RBFOX1: variants seen among roughly 807,000 people sequenced by gnomAD.
RBFOX1 encodes the protein RNA binding fox-1 homolog 1, also known as RNA binding protein fox-1 homolog 1.
A neutral mutation model predicts 57.7 loss-of-function variants in RBFOX1; 8 were observed. That is an observed-to-expected ratio of 0.14 (90% confidence interval 0.08 to 0.25). RBFOX1 has a LOEUF of 0.25. Among genes scored for constraint, RBFOX1 ranks in the 10% least tolerant of loss-of-function variants. The pLI is 1.00. For synonymous variants in RBFOX1, 326 were observed against 222.4 expected (o/e 1.47, Z -4.15); for missense variants, 611 against 548.5 (o/e 1.11, Z -1.14).
chr16:6,042,101 A>G (rs1285603234), intron 1 of RBFOX1, among the ~76,000 whole-genome samples: 1 of 133,532 alleles, frequency 7.5e-6, no homozygotes, highest in African/African-American at 2.6e-5. Flanking sequence ...ACTCTCTCCT[A>G]CTTTTTTTTT....
chr16:7,691,618 C>G (rs571134872), intron 14 of RBFOX1, among the ~76,000 whole-genome samples: 1 of 152,202 alleles, frequency 6.6e-6, no homozygotes, highest in South Asian at 2.1e-4. Context: ...AGGGCTGTTT[C>G]TATTCATACT....
chr16:6,991,422 C>G (rs1596317510), intron 3 of RBFOX1, among the ~76,000 whole-genome samples: 2 of 152,214 alleles, frequency 1.3e-5, no homozygotes, highest in Non-Finnish European at 2.9e-5. Context: ...TCAGGAAGCT[C>G]ATATCCCATA....
At chr16:6,385,449 T>G (rs1182649069) in intron 2 of RBFOX1, among the ~76,000 whole-genome samples, 1 of 152,226 alleles carries the variant, frequency 6.6e-6, no homozygotes, top group Admixed American at 6.5e-5. Flanking sequence ...AATCTCCTCC[T>G]CCCAGGATCA....
intron 3 of RBFOX1, among the ~76,000 whole-genome samples, chr16:6,738,098 G>C (rs2070929553): frequency 6.8e-6 from 1 of 148,076 alleles, no homozygotes; most frequent in African/African-American, 2.5e-5. Flanking sequence ...AAAAAAGTCA[G>C]GCATTTTCCT....
rs374359901 is a variant in RBFOX1, at chr16:5,337,975, T to C, written c.219+97870T>C. Among the ~76,000 whole-genome samples, 233 of 152,304 alleles carry C rather than the reference T, an allele frequency of 1.5e-3. 1 individual carries two copies. Among genetic ancestry groups the C allele is most frequent in the African/African-American group, 5.3e-3 (221 of 41,542 alleles). On this transcript the variant is annotated intron_variant, in intron 1 of 2. Coordinates refer to the RBFOX1 transcript ENST00000585867. Reference sequence around the variant, plus strand: ...TGGAGGATTGCTTGAGCCCAGGAGATTGAGGCTGCAGTGAACTATGATTGC... The same window carrying C: ...TGGAGGATTGCTTGAGCCCAGGAGACTGAGGCTGCAGTGAACTATGATTGC...
chr16:5,738,222 T>G (rs1414986143), intron 3 of RBFOX1, among the ~76,000 whole-genome samples: 3 of 152,164 alleles, frequency 2.0e-5, no homozygotes, highest in Admixed American at 2.0e-4. Flanking sequence ...CTTTGTCACA[T>G]GCAGAGAATG....
chr16:7,653,871 C>A lies in RBFOX1; in HGVS notation c.814C>A (p.Leu272Met). ...TAAAAYRGAH[L>M]RGRGRTVYNT... ...CGCGGCCGCCTACCGAGGGGCGCAC[C>A]TGCGAGGCCGCGGTCGCACCGTGTA... Residue 272 changes from leucine to methionine, a missense_variant, in exon 12 of 16, where the codon CTG becomes ATG. Physicochemically the swap from Leu to Met is conservative, Grantham distance 15. This residue lies in a region of RBFOX1 where 267 missense variants were observed against 229.1 expected (regional missense o/e 1.17). Coordinates refer to ENST00000550418, the MANE Select transcript of RBFOX1 (RefSeq NM_018723.4). 1.9e-6 allele frequency: 3 copies of A among 1,604,240 alleles called. No individual in the cohort carries two copies. Among genetic ancestry groups the A allele is most frequent in the Non-Finnish European group, 1.7e-6 (2 of 1,179,236 alleles).
intron 1 of RBFOX1, chr16:5,365,721 C>A: frequency 2.4e-6 from 1 of 408,668 alleles, no homozygotes; most frequent in Non-Finnish European, 4.7e-6. Context: ...TTCCGTCCTG[C>A]ATGGCTGTTC....
intron 3 of RBFOX1, among the ~76,000 whole-genome samples, chr16:5,618,986 T>G (rs563570744): frequency 1.3e-5 from 2 of 152,238 alleles, no homozygotes; most frequent in Admixed American, 6.5e-5. Flanking sequence ...CATCCTTTGC[T>G]CCGGTGGTTC....
intron 3 of RBFOX1, among the ~76,000 whole-genome samples, chr16:6,974,704 T>C (rs1264361653): frequency 1.3e-5 from 2 of 152,088 alleles, no homozygotes; most frequent in African/African-American, 4.8e-5. Flanking sequence ...GTAACATTTA[T>C]TAAATGTCCC....
At chr16:5,738,974 C>A (rs2052679358) in intron 3 of RBFOX1, among the ~76,000 whole-genome samples, 1 of 140,422 alleles carries the variant, frequency 7.1e-6, no homozygotes, top group Non-Finnish European at 1.6e-5. Context: ...CAGGCTAACT[C>A]CCACTTACTC....
chr16:6,813,006 A>G (rs542449566), intron 3 of RBFOX1, among the ~76,000 whole-genome samples: 137 of 152,240 alleles, frequency 9.0e-4, no homozygotes, highest in African/African-American at 3.2e-3. Context: ...TTAGATTTTT[A>G]AATAAAACTT....
chr16:7,176,101 T>G (rs988117483), intron 4 of RBFOX1, among the ~76,000 whole-genome samples: 1 of 151,804 alleles, frequency 6.6e-6, no homozygotes, highest in Non-Finnish European at 1.5e-5. Flanking sequence ...GTTAGGAGCA[T>G]GTACTTTTAA....
At chr16:5,915,330 C>T (rs186797477) in intron 4 of RBFOX1, among the ~76,000 whole-genome samples, 15 of 152,302 alleles carry the variant, frequency 9.8e-5, no homozygotes, top group African/African-American at 2.9e-4. Flanking sequence ...CTGGCTATTG[C>T]ATCCTTTCCA....
At chr16:6,966,924 CATCCATCCATCCATTG>C (rs1442193725) in intron 3 of RBFOX1, among the ~76,000 whole-genome samples, 1 of 149,698 alleles carries the variant, frequency 6.7e-6, no homozygotes, top group African/African-American at 2.5e-5. Flanking sequence ...TCCATCCATC[CATCCATCCATCCATTG>C]GCCTACCTAT....
intron 3 of RBFOX1, among the ~76,000 whole-genome samples, chr16:5,738,690 T>A (rs186939644): frequency 6.6e-6 from 1 of 150,934 alleles, no homozygotes; most frequent in Non-Finnish European, 1.5e-5. Context: ...CACATTCCAT[T>A]GATTTCAGTC....
chr16:5,670,753 C>T (rs1489842961), intron 3 of RBFOX1, among the ~76,000 whole-genome samples: 1 of 152,196 alleles, frequency 6.6e-6, no homozygotes, highest in African/African-American at 2.4e-5. Context: ...TGCAGGTTTT[C>T]TTAGACCTGT....
chr16:6,867,635 C>G (rs1486795190), intron 3 of RBFOX1, among the ~76,000 whole-genome samples: 3 of 152,140 alleles, frequency 2.0e-5, no homozygotes, highest in East Asian at 3.9e-4. Context: ...AGCAGGATCG[C>G]TTGAACCCGG....
intron 1 of RBFOX1, among the ~76,000 whole-genome samples, chr16:5,246,346 A>G (rs559563660): frequency 2.0e-5 from 3 of 152,344 alleles, no homozygotes; most frequent in South Asian, 2.1e-4. Context: ...TTGAATTGAC[A>G]AAAAGTATGT....
Sources: allele counts gnomAD v4.1 joint callset (sites outside exome capture counted in the v4.1 genomes callset), GRCh38; gene constraint gnomAD v4.1.1; regional missense constraint gnomAD v4.1.1; transcripts MANE v1.5; gene names NCBI Gene and HGNC (gene_info 2026-07-23, HGNC 2026-07-21).